The following FOXN3 variants were observed in gnomAD, a reference collection of about 807,000 sequenced individuals.
FOXN3 encodes the protein forkhead box N3, also known as forkhead box protein N3.
A neutral mutation model predicts 38.4 loss-of-function variants in FOXN3; 7 were observed. The observed-to-expected ratio is 0.18, with a 90% CI of 0.10 to 0.34. FOXN3 has a LOEUF of 0.34. Among genes scored for constraint, FOXN3 ranks in the 10% least tolerant of loss-of-function variants. The pLI, the probability that FOXN3 is intolerant of heterozygous loss-of-function variation, is 1.00. For synonymous variants in FOXN3, 230 were observed against 242.2 expected, an observed-to-expected ratio of 0.95 and a Z score of 0.47; for missense variants, 456 against 613.4, an observed-to-expected ratio of 0.74 and a Z score of 2.71.
At chr14:89,395,818 G>T (rs75836961) in intron 2 of FOXN3, among the ~76,000 whole-genome samples, 4,024 of 152,130 alleles carry the variant, frequency 0.026, 174 homozygotes, top group African/African-American at 0.091. Flanking sequence ...AAGGCTGGAG[G>T]GGGGGGAGTT....
intron 1 of FOXN3, among the ~76,000 whole-genome samples, chr14:89,424,194 A>C (rs1047895499): frequency 6.6e-6 from 1 of 152,132 alleles, no homozygotes; most frequent in Non-Finnish European, 1.5e-5. Context: ...GTTCCCTTTC[A>C]TTTGCATTTT....
chr14:89,373,046 G>C (rs1202496870), intron 2 of FOXN3, among the ~76,000 whole-genome samples: 1 of 151,942 alleles, frequency 6.6e-6, no homozygotes, highest in Non-Finnish European at 1.5e-5. Context: ...CAGGCCTGTG[G>C]TCCCAGCTAC....
chr14:89,599,539 G>A (rs1467676303), intron 1 of FOXN3, among the ~76,000 whole-genome samples: 1 of 151,386 alleles, frequency 6.6e-6, no homozygotes, highest in East Asian at 1.9e-4. Flanking sequence ...TCTCTTGTAG[G>A]TATATCCAAT....
intron 4 of FOXN3, among the ~76,000 whole-genome samples, chr14:89,228,573 G>A (rs1342339399): frequency 6.6e-6 from 1 of 152,176 alleles, no homozygotes; most frequent in Non-Finnish European, 1.5e-5. Flanking sequence ...TGATAAAAAA[G>A]CATAGGTTTG....
intron 1 of FOXN3, among the ~76,000 whole-genome samples, chr14:89,482,888 C>A (rs1461097262): frequency 7.2e-6 from 1 of 139,532 alleles, no homozygotes; most frequent in African/African-American, 2.7e-5. Context: ...CTAGCTGGGG[C>A]AACAGAGCAA....
intron 1 of FOXN3, among the ~76,000 whole-genome samples, chr14:89,465,221 TTG>T (rs1892950356): frequency 4.1e-5 from 1 of 24,324 alleles, no homozygotes; most frequent in African/African-American, 7.6e-5. Flanking sequence ...TGGCATGTCT[TTG>T]TTTTTTTTTG....
chr14:89,232,745 G>A lies in FOXN3; in HGVS notation c.745+48205C>T, dbSNP rs551224762. On this transcript the variant is annotated intron_variant, in intron 4 of 5. Coordinates refer to ENST00000557258, the MANE Select transcript of FOXN3 (RefSeq NM_005197.4). ...TAAAGTGACAGCGCGCCAGCCTTAC[G>A]AGACATAATTTGAGGAAAGCTGGCG... Among the ~76,000 whole-genome samples the A allele has an allele frequency of 4.6e-5, 7 of 152,182 alleles. No individual in the cohort carries two copies. In the South Asian group the frequency reaches 8.3e-4, roughly 18 times the overall value.
At chr14:89,563,723 ATCTGT>A (rs1895294414) in intron 1 of FOXN3, among the ~76,000 whole-genome samples, 6 of 152,204 alleles carry the variant, frequency 3.9e-5, no homozygotes, top group Admixed American at 3.9e-4. Context: ...CAGAAAACAG[ATCTGT>A]TTGTTTGAGG....
chr14:89,608,919 G>T lies in FOXN3; in HGVS notation c.-15+10109C>A, dbSNP rs191941655. On this transcript the variant is annotated intron_variant, in intron 1 of 6. Transcript: ENST00000345097. ...CAATGGGTGTGTGCTGGGAAGGAAGGCTCACTGTAGACAAAATGAACAAAC... is the reference window on the plus strand; with the variant it reads ...CAATGGGTGTGTGCTGGGAAGGAAGTCTCACTGTAGACAAAATGAACAAAC... 1.5e-4 allele frequency among the ~76,000 whole-genome samples: 23 copies of T among 152,292 alleles called. No individual in the cohort carries two copies. In the East Asian group the frequency reaches 2.3e-3, roughly 15 times the overall value.
At chr14:89,290,269 A>G in intron 3 of FOXN3, 2 of 321,842 alleles carry the variant, frequency 6.2e-6, no homozygotes, top group Non-Finnish European at 1.2e-5. Context: ...CTCTGTCATT[A>G]CCACCCTGAC....
chr14:89,488,670 G>A (rs1162426738), intron 1 of FOXN3, among the ~76,000 whole-genome samples: 5 of 151,156 alleles, frequency 3.3e-5, no homozygotes, highest in African/African-American at 4.9e-5. Flanking sequence ...CTGTACTTTC[G>A]GCAGTGCATT....
intron 1 of FOXN3, among the ~76,000 whole-genome samples, chr14:89,615,509 T>C (rs1482728619): frequency 1.3e-5 from 2 of 152,176 alleles, no homozygotes; most frequent in South Asian, 4.1e-4. Context: ...ATTGTACCAC[T>C]CCAAAGCCCC....
chr14:89,555,956 T>C (rs894770950), intron 1 of FOXN3, among the ~76,000 whole-genome samples: 4 of 151,684 alleles, frequency 2.6e-5, no homozygotes, highest in African/African-American at 9.7e-5. Context: ...TCTTAGATTG[T>C]AGAAAAGATT....
intron 1 of FOXN3, among the ~76,000 whole-genome samples, chr14:89,475,917 A>C (rs1240338080): frequency 2.0e-5 from 3 of 152,186 alleles, no homozygotes; most frequent in Non-Finnish European, 4.4e-5. Flanking sequence ...CACAGGGAAA[A>C]TCTATTAAAC....
At chr14:89,345,878 C>T (rs527374396) in intron 3 of FOXN3, among the ~76,000 whole-genome samples, 9 of 152,210 alleles carry the variant, frequency 5.9e-5, no homozygotes, top group Non-Finnish European at 1.0e-4. Context: ...ATGGTGAAAC[C>T]CCGTCTCTAC....
At chr14:89,590,891 G>A (rs1016208177) in intron 1 of FOXN3, among the ~76,000 whole-genome samples, 4 of 152,192 alleles carry the variant, frequency 2.6e-5, no homozygotes, top group African/African-American at 7.2e-5. Context: ...TGGAGTGAAA[G>A]AATGCCACTC....
Position 89,194,676 on chromosome 14 carries a change from C to A in FOXN3, c.746-13870G>T, listed in dbSNP as rs375143738. On this transcript the variant is annotated intron_variant, in intron 4 of 5. Coordinates refer to ENST00000557258, the MANE Select transcript of FOXN3 (RefSeq NM_005197.4). ...CTATTATTAAAATACTTAAGTTTTT[C>A]CCTTTTTATTAAAAGTCATGAAAGT... 2.0e-5 allele frequency among the ~76,000 whole-genome samples: 3 copies of A among 151,154 alleles called. No individual in the cohort carries two copies. In the East Asian group the frequency reaches 5.8e-4, roughly 29 times the overall value.
chr14:89,473,593 C>G (rs761904655), intron 1 of FOXN3, among the ~76,000 whole-genome samples: 14 of 152,132 alleles, frequency 9.2e-5, no homozygotes, highest in Non-Finnish European at 1.9e-4. Flanking sequence ...GTCTCAAGCT[C>G]CTGGACTCAA....
At chr14:89,265,767 T>C (rs1885960695) in intron 4 of FOXN3, among the ~76,000 whole-genome samples, 2 of 152,240 alleles carry the variant, frequency 1.3e-5, no homozygotes, top group Admixed American at 1.3e-4. Flanking sequence ...TGAGACTCTT[T>C]CAGCTTTCTT....
Sources: allele counts gnomAD v4.1 joint callset (sites outside exome capture counted in the v4.1 genomes callset), GRCh38; gene constraint gnomAD v4.1.1; transcripts MANE v1.5; gene names NCBI Gene and HGNC (gene_info 2026-07-23, HGNC 2026-07-21).